The following PPP6R3 variants were observed in gnomAD, a reference collection of about 807,000 sequenced individuals.
PPP6R3 encodes the protein serine/threonine-protein phosphatase 6 regulatory subunit 3.
Under a neutral mutation model 110.7 loss-of-function variants are expected in PPP6R3, and 38 were observed. That is an observed-to-expected ratio of 0.34 (90% CI 0.26 to 0.45). The LOEUF (loss-of-function observed/expected upper bound fraction) is 0.45. Among genes scored for constraint, PPP6R3 ranks in the 20% least tolerant of loss-of-function variants. The pLI is 1.00. For missense variants in PPP6R3, 870 were observed against 1,062.4 expected (o/e 0.82, Z 2.52); for synonymous variants, 369 against 373.5 (o/e 0.99, Z 0.14).
intron 1 of PPP6R3, among the ~76,000 whole-genome samples, chr11:68,480,342 C>G (rs2098897022): frequency 6.6e-6 from 1 of 152,198 alleles, no homozygotes. Flanking sequence ...GCCAAATGCC[C>G]TCAGTACATT....
chr11:68,554,261 T>G lies in PPP6R3; in HGVS notation c.731+4T>G, dbSNP rs766092322. ...CCCTGCTTGCCACTCTAGAAAAGTA[T>G]GTGTAAAACTCTGTTCTTGTTCTTC... On this transcript the variant is annotated splice_donor_region_variant and intron_variant, in intron 7 of 23. Transcript: ENST00000393800. 1 of 1,587,932 alleles carries G rather than the reference T, an allele frequency of 6.3e-7. No individual in the cohort carries two copies. Among genetic ancestry groups the G allele is most frequent in the Non-Finnish European group, 8.6e-7 (1 of 1,159,510 alleles).
At chr11:68,501,569 T>A (rs1206910247) in intron 1 of PPP6R3, among the ~76,000 whole-genome samples, 1 of 152,194 alleles carries the variant, frequency 6.6e-6, no homozygotes. Context: ...TCAAGTGATC[T>A]GCCCGCCTTG....
At chr11:68,604,864 T>C (rs1326444281) in intron 22 of PPP6R3, among the ~76,000 whole-genome samples, 1 of 152,232 alleles carries the variant, frequency 6.6e-6, no homozygotes, top group Non-Finnish European at 1.5e-5. Context: ...TGTGAAGATA[T>C]TTTTAGCATT....
intron 2 of PPP6R3, among the ~76,000 whole-genome samples, chr11:68,523,778 A>T: frequency 7.8e-6 from 1 of 128,658 alleles, no homozygotes; most frequent in Non-Finnish European, 1.6e-5. Flanking sequence ...TTATTCTAAA[A>T]CTTCTTTTAT....
chr11:68,474,134 TC>T (rs2098811701), intron 1 of PPP6R3, among the ~76,000 whole-genome samples: 1 of 151,356 alleles, frequency 6.6e-6, no homozygotes, highest in Non-Finnish European at 1.5e-5. Flanking sequence ...AGCTTCAAAC[TC>T]CTGGGCTCAA....
Position 68,567,003 on chromosome 11 carries a change from T to C in PPP6R3, c.976-11T>C. 1 of 1,537,968 alleles carries C rather than the reference T, an allele frequency of 6.5e-7. No homozygotes were observed. The highest frequency in any genetic ancestry group is 2.5e-5 in the East Asian group (1 of 40,800). Reference sequence around the variant, plus strand: ...TAACTGAATTTAATTGGAAAGCTTTTTCTTCTTCAGAAAAGTGTGATGAAG... The same window carrying C: ...TAACTGAATTTAATTGGAAAGCTTTCTCTTCTTCAGAAAAGTGTGATGAAG... On this transcript the variant is annotated splice_polypyrimidine_tract_variant and intron_variant, in intron 9 of 23. Coordinates refer to ENST00000393800, the MANE Select transcript of PPP6R3 (RefSeq NM_001164161.2).
intron 8 of PPP6R3, among the ~76,000 whole-genome samples, chr11:68,559,770 C>T (rs1471989435): frequency 6.6e-6 from 1 of 151,638 alleles, no homozygotes; most frequent in Non-Finnish European, 1.5e-5. Flanking sequence ...GCCCTCTTCC[C>T]ACCCCAGGGG....
intron 22 of PPP6R3, 159 bp downstream of exon 22, chr11:68,603,651 A>T: frequency 1.0e-6 from 1 of 954,664 alleles, no homozygotes; most frequent in South Asian, 1.7e-5. Context: ...AATCTTAATG[A>T]AGAGATGGAG....
rs1565934102 is a variant in PPP6R3, at chr11:68,573,134, ATATATATATATATATATAT to A, written c.1344-974_1344-956del. On this transcript the variant is annotated intron_variant, in intron 12 of 23. Coordinates refer to ENST00000393800, the MANE Select transcript of PPP6R3 (RefSeq NM_001164161.2). ...TTATTTTATATATATATATATATATATATATATATATATATATATAATTTTTTTTTTTTTGAGACGGAGT... is the reference window on the plus strand; with the variant it reads ...TTATTTTATATATATATATATATATAAATTTTTTTTTTTTTGAGACGGAGT... Among the ~76,000 whole-genome samples, 18 of 109,448 alleles carry A rather than the reference ATATATATATATATATATAT, an allele frequency of 1.6e-4. 1 individual carries two copies. Among genetic ancestry groups the A allele is most frequent in the African/African-American group, 4.7e-4 (12 of 25,498 alleles). The allele number at this position is 109,448 out of a possible 152,430, so 71.8% of individuals were successfully genotyped here.
At chr11:68,566,625 T>A (rs1325752276) in intron 9 of PPP6R3, among the ~76,000 whole-genome samples, 2 of 152,178 alleles carry the variant, frequency 1.3e-5, no homozygotes, top group Non-Finnish European at 2.9e-5. Flanking sequence ...CCTCTCAAAG[T>A]GCTGGGATTA....
At chr11:68,563,907 C>G (rs2153743268) in intron 8 of PPP6R3, among the ~76,000 whole-genome samples, 1 of 152,244 alleles carries the variant, frequency 6.6e-6, no homozygotes, top group Admixed American at 6.5e-5. Flanking sequence ...CTGTATGGAA[C>G]AAGTATAGGC....
At chr11:68,465,124 C>T (rs1460889921) in intron 1 of PPP6R3, among the ~76,000 whole-genome samples, 5 of 152,164 alleles carry the variant, frequency 3.3e-5, no homozygotes, top group East Asian at 1.9e-4. Context: ...TCAAGTGATC[C>T]GCCCGCCTCG....
chr11:68,594,433 G>A (rs886533056), intron 18 of PPP6R3, among the ~76,000 whole-genome samples: 6 of 152,156 alleles, frequency 3.9e-5, no homozygotes, highest in African/African-American at 1.2e-4. Flanking sequence ...AAGGCAGGAG[G>A]CTCTCTTGAG....
chr11:68,523,021 T>A (rs1438597542), intron 2 of PPP6R3, among the ~76,000 whole-genome samples: 1 of 152,260 alleles, frequency 6.6e-6, no homozygotes, highest in Admixed American at 6.5e-5. Context: ...AATTTGCCTA[T>A]ATGTAGCTGT....
At chr11:68,602,900 G>A (rs1002026617) in intron 21 of PPP6R3, among the ~76,000 whole-genome samples, 3 of 152,148 alleles carry the variant, frequency 2.0e-5, no homozygotes, top group African/African-American at 7.2e-5. Flanking sequence ...CTTCCCATTA[G>A]AGAACAAAGA....
chr11:68,486,711 C>T (rs1426231902), intron 1 of PPP6R3, among the ~76,000 whole-genome samples: 1 of 151,596 alleles, frequency 6.6e-6, no homozygotes. Flanking sequence ...TAGAATTCAC[C>T]AGTGAACCCA....
At chr11:68,536,140 T>A (rs1280906295) in intron 2 of PPP6R3, among the ~76,000 whole-genome samples, 2 of 152,182 alleles carry the variant, frequency 1.3e-5, no homozygotes, top group Non-Finnish European at 2.9e-5. Flanking sequence ...GTGTTTATAC[T>A]AGCAGTGTAA....
chr11:68,486,757 A>G (rs1301514702), intron 1 of PPP6R3, among the ~76,000 whole-genome samples: 1 of 151,516 alleles, frequency 6.6e-6, no homozygotes, highest in African/African-American at 2.4e-5. Flanking sequence ...GAAGGTTATT[A>G]TTCAAATTTT....
At chr11:68,568,636 C>T (rs1448403730) in intron 10 of PPP6R3, among the ~76,000 whole-genome samples, 1 of 152,164 alleles carries the variant, frequency 6.6e-6, no homozygotes, top group Non-Finnish European at 1.5e-5. Flanking sequence ...TTTTTGTATG[C>T]TGGAGTTGAG....
Sources: gnomAD v4.1 joint callset for allele counts (sites outside exome capture counted in the v4.1 genomes callset) on GRCh38, gnomAD v4.1.1 for gene constraint, MANE v1.5 for transcripts, NCBI Gene and HGNC (gene_info 2026-07-23, HGNC 2026-07-21) for gene names.